ADCY8: variants seen among roughly 807,000 people sequenced by gnomAD.
ADCY8 encodes the protein adenylate cyclase type 8.
A neutral mutation model predicts 119.7 loss-of-function variants in ADCY8; 51 were observed. The ratio of observed to expected loss-of-function variants is 0.43; its 90% CI spans 0.34 to 0.54. The LOEUF (loss-of-function observed/expected upper bound fraction) is 0.54. ADCY8 is among the 20% of genes least tolerant of loss of function. The pLI, the probability that ADCY8 is intolerant of heterozygous loss-of-function variation, is 0.03. For missense variants in ADCY8, 1,383 were observed against 1,598.8 expected, an observed-to-expected ratio of 0.87 and a Z score of 2.30; for synonymous variants, 665 against 651.0, an observed-to-expected ratio of 1.02 and a Z score of -0.33.
At chr8:130,889,488 A>T (rs903510707) in intron 7 of ADCY8, among the ~76,000 whole-genome samples, 3 of 152,196 alleles carry the variant, frequency 2.0e-5, no homozygotes, top group African/African-American at 7.2e-5. Context: ...TTGCCTCTAT[A>T]TGTTTCATGG....
intron 7 of ADCY8, among the ~76,000 whole-genome samples, chr8:130,898,176 A>G (rs1447174308): frequency 6.6e-6 from 1 of 152,200 alleles, no homozygotes; most frequent in Non-Finnish European, 1.5e-5. Context: ...TTTACCAGCT[A>G]TGTGTCCTTC....
At chr8:130,948,261 G>C (rs1352912253) in intron 3 of ADCY8, among the ~76,000 whole-genome samples, 2 of 152,206 alleles carry the variant, frequency 1.3e-5, no homozygotes, top group Admixed American at 1.3e-4. Context: ...TACAAGAAGT[G>C]TCTTAAGTAT....
chr8:130,886,104 C>T (rs558814072), intron 7 of ADCY8, among the ~76,000 whole-genome samples: 2 of 151,962 alleles, frequency 1.3e-5, no homozygotes, highest in Non-Finnish European at 2.9e-5. Flanking sequence ...TGTTATTGAA[C>T]CCTTCATTTT....
rs912418391 is a variant in ADCY8 at position 130,814,186 on chromosome 8, C to T, written c.2796G>A (p.Gln932=). Residue 932 remains glutamine, a synonymous_variant, in exon 14 of 18, where the codon CAG becomes CAA. Coordinates refer to ENST00000286355, the MANE Select transcript of ADCY8 (RefSeq NM_001115.3). The stretch of plus-strand genomic sequence containing the variant: ...TCATCTCATTGATCTCCTCTTTGGC[C>T]TGTACTCGCCAAAGGAAGTCCAGGC... ...TARLDFLWRV[Q]AKEEINEMKE... is the part of the protein sequence containing the mutation. 8.1e-6 allele frequency: 13 copies of T among 1,614,018 alleles called. No homozygotes were observed. The African/African-American group carries it at 1.3e-4, about 17-fold the overall frequency.
intron 8 of ADCY8, among the ~76,000 whole-genome samples, chr8:130,876,668 A>T (rs908603131): frequency 6.6e-6 from 1 of 151,402 alleles, no homozygotes; most frequent in Non-Finnish European, 1.5e-5. Flanking sequence ...GTGTGTGCCT[A>T]TGTATGTGTA....
intron 1 of ADCY8, among the ~76,000 whole-genome samples, chr8:131,021,910 C>G (rs1428807471): frequency 6.6e-6 from 1 of 152,104 alleles, no homozygotes; most frequent in East Asian, 1.9e-4. Flanking sequence ...CCTCAAATGG[C>G]TTATCATTTT....
intron 15 of ADCY8, among the ~76,000 whole-genome samples, chr8:130,796,716 A>C (rs1815589191): frequency 1.3e-5 from 2 of 151,478 alleles, no homozygotes; most frequent in East Asian, 3.9e-4. Flanking sequence ...TTTCCTGTTG[A>C]CTATATTCTC....
chr8:130,881,848 ATTTT>A (rs35121882), intron 8 of ADCY8, among the ~76,000 whole-genome samples: 1 of 145,174 alleles, frequency 6.9e-6, no homozygotes, highest in African/African-American at 2.5e-5. Flanking sequence ...TTCTCTGATA[ATTTT>A]TTTTTTTTTT....
chr8:130,903,146 G>T (rs1322349196), intron 7 of ADCY8, among the ~76,000 whole-genome samples: 1 of 152,074 alleles, frequency 6.6e-6, no homozygotes, highest in Non-Finnish European at 1.5e-5. Context: ...AATTTAAAAA[G>T]AATTTTGGTT....
At chr8:130,892,010 G>T (rs1819205231) in intron 7 of ADCY8, 1 of 152,104 alleles carries the variant, frequency 6.6e-6, no homozygotes, top group South Asian at 2.1e-4. Flanking sequence ...ACTGTAATCT[G>T]TTTTCCAAGA....
intron 5 of ADCY8, among the ~76,000 whole-genome samples, chr8:130,930,247 T>A (rs960626247): frequency 3.9e-5 from 6 of 151,972 alleles, no homozygotes; most frequent in Non-Finnish European, 7.4e-5. Flanking sequence ...TTGGATTCCT[T>A]CTTCTACATT....
At chr8:130,907,158 G>A (rs563695265) in intron 6 of ADCY8, among the ~76,000 whole-genome samples, 1 of 152,128 alleles carries the variant, frequency 6.6e-6, no homozygotes, top group East Asian at 1.9e-4. Flanking sequence ...TTCATGGTGT[G>A]GTACTAAGGC....
chr8:130,839,330 C>A (rs1432472556), intron 11 of ADCY8, among the ~76,000 whole-genome samples: 1 of 139,962 alleles, frequency 7.1e-6, no homozygotes, highest in East Asian at 2.2e-4. Flanking sequence ...CCCATTCCAT[C>A]TAAAGGAATC....
At chr8:130,880,919 T>C (rs1328627158) in intron 8 of ADCY8, among the ~76,000 whole-genome samples, 2 of 152,188 alleles carry the variant, frequency 1.3e-5, no homozygotes, top group African/African-American at 4.8e-5. Context: ...CTGTCCAACG[T>C]CCTCATTTCA....
At chr8:130,797,225 C>CT (rs142940201) in intron 15 of ADCY8, among the ~76,000 whole-genome samples, 9 of 151,698 alleles carry the variant, frequency 5.9e-5, no homozygotes, top group African/African-American at 2.2e-4. Flanking sequence ...CATTATGAGA[C>CT]TTTTTTTTGC....
At chr8:130,850,405 T>G (rs1332413927) in intron 9 of ADCY8, among the ~76,000 whole-genome samples, 2 of 152,192 alleles carry the variant, frequency 1.3e-5, no homozygotes, top group Non-Finnish European at 2.9e-5. Flanking sequence ...CTGTGTCAGT[T>G]GGACACCTGT....
At chr8:130,992,041 C>T (rs77987381) in intron 1 of ADCY8, among the ~76,000 whole-genome samples, 32,443 of 149,724 alleles carry the variant, frequency 0.22, 5,604 homozygotes, top group African/African-American at 0.48. Flanking sequence ...GAAAAAATTA[C>T]TAATAATTAT....
At chr8:130,831,420 A>T (rs1816830367) in intron 12 of ADCY8, among the ~76,000 whole-genome samples, 1 of 152,202 alleles carries the variant, frequency 6.6e-6, no homozygotes, top group Non-Finnish European at 1.5e-5. Context: ...AATAATAAAC[A>T]CTTAAGTACA....
chr8:130,949,037 C>T (rs1821195268), intron 3 of ADCY8, among the ~76,000 whole-genome samples: 1 of 152,054 alleles, frequency 6.6e-6, no homozygotes, highest in Admixed American at 6.6e-5. Context: ...CTAGTAACGG[C>T]TCTGAAAACG....
Sources: gnomAD v4.1 joint callset for allele counts (sites outside exome capture counted in the v4.1 genomes callset) on GRCh38, gnomAD v4.1.1 for gene constraint, MANE v1.5 for transcripts, NCBI Gene and HGNC (gene_info 2026-07-23, HGNC 2026-07-21) for gene names.